The following GSE1 variants were observed in gnomAD, a reference collection of about 807,000 sequenced individuals.
GSE1 encodes the protein Gse1 coiled-coil protein, also known as genetic suppressor element 1.
A neutral mutation model predicts 112.6 loss-of-function variants in GSE1; 32 were observed. The observed-to-expected ratio is 0.28, with a 90% CI of 0.21 to 0.38. The LOEUF (loss-of-function observed/expected upper bound fraction) is 0.38. Among genes scored for constraint, GSE1 ranks in the 10% least tolerant of loss-of-function variants. The pLI, the probability that GSE1 is intolerant of heterozygous loss-of-function variation, is 1.00. For missense variants in GSE1, 2,348 were observed against 1,699.2 expected (o/e 1.38, Z -6.71); for synonymous variants, 1,115 against 735.6 (o/e 1.52, Z -8.35).
intron 1 of GSE1, among the ~76,000 whole-genome samples, chr16:85,269,217 C>T (rs531097024): frequency 1.3e-5 from 2 of 149,524 alleles, no homozygotes; most frequent in Non-Finnish European, 3.0e-5. Flanking sequence ...CTCCAATTTA[C>T]TCCTTTGATT....
intron 1 of GSE1, among the ~76,000 whole-genome samples, chr16:85,256,640 C>T (rs995537863): frequency 1.3e-5 from 2 of 152,258 alleles, no homozygotes; most frequent in African/African-American, 2.4e-5. Flanking sequence ...CAGCTCCTCC[C>T]CATCCCTGCC....
rs61658598 is a variant in GSE1 at position 85,337,627 on chromosome 16, G to A, written c.2284-19836G>A. 4.4e-3 allele frequency among the ~76,000 whole-genome samples: 671 copies of A among 151,064 alleles called. 8 individuals are homozygous for A. The highest frequency in any genetic ancestry group is 0.016 in the African/African-American group (639 of 41,054). Reference sequence around the variant, plus strand: ...GCCAGGCTCAGGACTTTCAAGCAGGGAAACCGGGGACCTGGCGCAGGGATG... The same window carrying A: ...GCCAGGCTCAGGACTTTCAAGCAGGAAAACCGGGGACCTGGCGCAGGGATG... On this transcript the variant is annotated intron_variant, in intron 1 of 2. Coordinates refer to the GSE1 transcript ENST00000637419.
At chr16:85,521,030 G>A (rs1363826902) in intron 2 of GSE1, among the ~76,000 whole-genome samples, 2 of 152,124 alleles carry the variant, frequency 1.3e-5, no homozygotes, top group Non-Finnish European at 2.9e-5. Context: ...GGAGCCTTTG[G>A]GAGCCCAACG....
At chr16:85,355,510 G>C (rs895884100) in intron 1 of GSE1, among the ~76,000 whole-genome samples, 9 of 152,192 alleles carry the variant, frequency 5.9e-5, no homozygotes, top group African/African-American at 1.9e-4. Context: ...ACAGCAGCCC[G>C]TCACCAAGAC....
At chr16:85,436,691 C>A (rs1385432823) in intron 2 of GSE1, among the ~76,000 whole-genome samples, 4 of 152,248 alleles carry the variant, frequency 2.6e-5, no homozygotes, top group African/African-American at 9.6e-5. Flanking sequence ...AAGGCCCAAA[C>A]CCCGAAGGGC....
chr16:85,353,726 G>A (rs765905988), intron 1 of GSE1, among the ~76,000 whole-genome samples: 1 of 152,212 alleles, frequency 6.6e-6, no homozygotes, highest in Non-Finnish European at 1.5e-5. Flanking sequence ...CAGAAGATCT[G>A]TCAAGGTGGG....
chr16:85,447,149 C>T (rs2049539171), intron 2 of GSE1, among the ~76,000 whole-genome samples: 1 of 152,192 alleles, frequency 6.6e-6, no homozygotes, highest in Non-Finnish European at 1.5e-5. Context: ...CTCCCAGCAC[C>T]TGGGGCCATG....
intron 1 of GSE1, 81 bp downstream of exon 1, chr16:85,613,479 C>A (rs891206008): frequency 5.4e-6 from 7 of 1,304,760 alleles, no homozygotes; most frequent in South Asian, 1.4e-5. Flanking sequence ...TCGCGGGTTT[C>A]GCGGGGGCGG....
chr16:85,664,728 G>A lies in GSE1; in HGVS notation c.2645-287G>A, dbSNP rs1447000384. ...TTGAAATAAGAATACATCCTCGCAC[G>A]TCACCACCGAGGTCCGTGGGCACAG... On this transcript the variant is annotated intron_variant, in intron 11 of 15. Transcript: ENST00000253458. The A allele has an allele frequency of 2.5e-5, 8 of 320,164 alleles. No individual in the cohort carries two copies. The Middle Eastern group carries it at 2.8e-3, about 113-fold the overall frequency. The allele number at this position is 320,164 out of a possible 1,614,324, so 19.8% of individuals were successfully genotyped here.
At chr16:85,464,504 C>T (rs1208036945) in intron 2 of GSE1, among the ~76,000 whole-genome samples, 13 of 152,230 alleles carry the variant, frequency 8.5e-5, no homozygotes, top group Non-Finnish European at 1.8e-4. Context: ...AGGAGGGCCT[C>T]GGCAGCCCCC....
intron 1 of GSE1, among the ~76,000 whole-genome samples, chr16:85,620,648 A>AT: frequency 6.6e-6 from 1 of 152,268 alleles, no homozygotes; most frequent in Non-Finnish European, 1.5e-5. Flanking sequence ...AGGGTTTCGG[A>AT]ATCAGCCCTT....
chr16:85,519,578 A>ACCATCACCACCATCACCG (rs1360989506), intron 2 of GSE1, among the ~76,000 whole-genome samples: 1 of 49,126 alleles, frequency 2.0e-5, no homozygotes, highest in African/African-American at 7.6e-5. Flanking sequence ...CACCATCACC[A>ACCATCACCACCATCACCG]GTCTCCATCA....
rs2053653016 is a variant in GSE1 at position 85,675,964 on chromosome 16, A to G, written c.*3425A>G. The stretch of plus-strand genomic sequence containing the variant: ...ACCATGCTAACTGGTGTTATTTTGT[A>G]TGTACCCTGTGCTTAATTCTATAAC... On this transcript the variant is annotated 3_prime_UTR_variant, in exon 16 of 16. Transcript: ENST00000253458. The G allele has an allele frequency of 6.6e-6, 1 of 152,624 alleles. No individual in the cohort carries two copies. Among genetic ancestry groups the G allele is most frequent in the African/African-American group, 2.4e-5 (1 of 41,436 alleles). 9.5% of individuals were successfully genotyped at this position (152,624 alleles called of 1,614,324 possible).
chr16:85,178,118 G>A (rs537023942), intron 1 of GSE1, among the ~76,000 whole-genome samples: 6 of 152,310 alleles, frequency 3.9e-5, no homozygotes, highest in Non-Finnish European at 7.3e-5. Context: ...CCGTGGTTGT[G>A]CAGTGCATTG....
chr16:85,259,264 C>G (rs1337047363), intron 1 of GSE1, among the ~76,000 whole-genome samples: 1 of 152,148 alleles, frequency 6.6e-6, no homozygotes, highest in East Asian at 1.9e-4. Context: ...AGCCCCCGTC[C>G]TGCCCTGTGC....
At position 85,658,579 on chromosome 16, in the gene GSE1, C is replaced by T. The variant is rs914402418; in HGVS notation, c.1640+975C>T. Among the ~76,000 whole-genome samples the T allele has an allele frequency of 4.6e-5, 7 of 152,348 alleles. No homozygotes were observed. The East Asian group carries it at 9.6e-4, about 21-fold the overall frequency. On this transcript the variant is annotated intron_variant, in intron 8 of 15. Transcript: ENST00000253458. ...GTAGGGCAGCGAGGGAATGCGCCCC[C>T]GCTGATCAGGGATGACTGGGAGTGA...
At chr16:85,338,138 C>T (rs140366872) in intron 1 of GSE1, among the ~76,000 whole-genome samples, 495 of 152,360 alleles carry the variant, frequency 3.2e-3, no homozygotes, top group Middle Eastern at 0.014. Flanking sequence ...AGCCCTGAGC[C>T]TGGGCTGCCC....
At chr16:85,634,163 G>A (rs1159954620) in intron 2 of GSE1, 31 bp downstream of exon 2, 14 of 1,373,612 alleles carry the variant, frequency 1.0e-5, no homozygotes, top group Admixed American at 3.5e-5. Flanking sequence ...GCGCGTGGGG[G>A]GAGCGGCGGC....
chr16:85,615,354 C>T (rs527353151), intron 1 of GSE1, among the ~76,000 whole-genome samples: 2 of 152,376 alleles, frequency 1.3e-5, no homozygotes, highest in African/African-American at 2.4e-5. Context: ...TCGGTGCTTC[C>T]TAAGAGACTT....
Sources: allele counts gnomAD v4.1 joint callset (sites outside exome capture counted in the v4.1 genomes callset), GRCh38; gene constraint gnomAD v4.1.1; transcripts MANE v1.5; gene names NCBI Gene and HGNC (gene_info 2026-07-23, HGNC 2026-07-21).